Variants in DNAH14 observed in about 807,000 individuals in gnomAD.
DNAH14 encodes dynein axonemal heavy chain 14, also known as axonemal beta dynein heavy chain 14.
Under a neutral mutation model 520.9 loss-of-function variants are expected in DNAH14, and 478 were observed. The observed-to-expected ratio is 0.92, with a 90% CI of 0.85 to 0.99. The LOEUF (loss-of-function observed/expected upper bound fraction) is 0.99. Ranked by LOEUF, DNAH14 falls within the 50% of genes least tolerant of loss-of-function variation. DNAH14 has a pLI of 0.00. For synonymous variants in DNAH14, 1,581 were observed against 1,757.2 expected (o/e 0.90, Z 2.51); for missense variants, 4,831 against 5,234.5 (o/e 0.92, Z 2.38).
chr1:225,043,117 A>AAGAC lies in DNAH14; in HGVS notation c.1768+5_1768+8dup. On this transcript the variant is annotated splice_donor_region_variant and intron_variant, in intron 13 of 85. Coordinates refer to ENST00000682510, the MANE Select transcript of DNAH14 (RefSeq NM_001367479.1). ...CAATCTTGAAGATATTATTTCAGGT[A>AAGAC]AGACAATTGAGACTATAAAGAATGA... 1 of 1,547,782 alleles carries AAGAC rather than the reference A, an allele frequency of 6.5e-7. No individual in the cohort carries two copies. The highest frequency in any genetic ancestry group is 1.4e-5 in the African/African-American group (1 of 72,908).
In DNAH14 at chr1:225,063,737, A is replaced by G. The variant is rs751591811; in HGVS notation, c.2424+11942A>G. On this transcript the variant is annotated intron_variant, in intron 17 of 85. Transcript: ENST00000682510. ...AGAGACAAAAGTTATCTGAAAAATGATGAAATAGTTTCCAGATTTGATGAA... is the reference window on the plus strand; with the variant it reads ...AGAGACAAAAGTTATCTGAAAAATGGTGAAATAGTTTCCAGATTTGATGAA... Among the ~76,000 whole-genome samples the G allele has an allele frequency of 2.7e-4, 41 of 152,066 alleles. 1 individual carries two copies. The highest frequency in any genetic ancestry group is 1.5e-5 in the Non-Finnish European group (1 of 67,948).
chr1:225,195,421 A>G (rs758156464), intron 38 of DNAH14, among the ~76,000 whole-genome samples: 3 of 152,150 alleles, frequency 2.0e-5, no homozygotes, highest in Non-Finnish European at 2.9e-5. Flanking sequence ...GTCAAATACT[A>G]CATGTTTTTG....
chr1:225,389,761 G>T lies in DNAH14; in HGVS notation c.13218G>T (p.Lys4406Asn), dbSNP rs1028323924. 9.0e-6 allele frequency: 14 copies of T among 1,552,128 alleles called. No homozygotes were observed. The African/African-American group carries it at 1.6e-4, about 18-fold the overall frequency. The change falls in exon 83 of 86, where the codon AAG becomes AAT. Residue 4406 changes from lysine to asparagine, a missense_variant. By Grantham distance (94) the Lys-to-Asn change is moderately conservative (BLOSUM62 0). Coordinates refer to ENST00000682510, the MANE Select transcript of DNAH14 (RefSeq NM_001367479.1). ...ATATGAGATTTGTCACAGTTTGGAA[G>T]CAGTCTATTCCATCAACTAGCCAAA... ...RRYMRFVTVW[K>N]QSIPSTSQKC...
chr1:225,023,521 CT>C, intron 10 of DNAH14, 93 bp from the exon 11 acceptor site: 1 of 986,566 alleles, frequency 1.0e-6, no homozygotes, highest in Non-Finnish European at 1.4e-6. Flanking sequence ...ACATTCACAT[CT>C]AATTGAAGTT....
intron 43 of DNAH14, among the ~76,000 whole-genome samples, chr1:225,244,584 G>GGT (rs1445314447): frequency 6.6e-6 from 1 of 151,950 alleles, no homozygotes; most frequent in East Asian, 1.9e-4. Context: ...GTCTTGGGAG[G>GGT]GTGTGTGTGT....
At chr1:225,082,804 G>C (rs778699464) in intron 20 of DNAH14, 65 bp downstream of exon 20, 9 of 1,303,102 alleles carry the variant, frequency 6.9e-6, no homozygotes, top group Non-Finnish European at 8.5e-6. Context: ...TTAAATAGGC[G>C]AGTAAATATA....
chr1:225,069,423 G>A lies in DNAH14; in HGVS notation c.2425-9784G>A, dbSNP rs577794838. Among the ~76,000 whole-genome samples the A allele has an allele frequency of 3.9e-5, 6 of 152,218 alleles. No individual in the cohort carries two copies. The South Asian group carries it at 1.2e-3, about 32-fold the overall frequency. On this transcript the variant is annotated intron_variant, in intron 17 of 85. Coordinates refer to ENST00000682510, the MANE Select transcript of DNAH14 (RefSeq NM_001367479.1). ...GAGAGTTTTTAACATGAAGGATGTT[G>A]AATCGCATTAAAGGCATTTTCTGCA...
At chr1:224,968,738 C>A in intron 6 of DNAH14, 21 bp from the exon 7 acceptor site, 4 of 1,299,004 alleles carry the variant, frequency 3.1e-6, no homozygotes, top group South Asian at 1.6e-5. Flanking sequence ...TAAAATAATG[C>A]TTTTGTGCTT....
rs372319641 is a variant in DNAH14, at chr1:225,345,062, C to T, written c.10679-900C>T. Among the ~76,000 whole-genome samples the T allele has an allele frequency of 3.3e-4, 50 of 152,126 alleles. 2 individuals carry two copies. The South Asian group carries it at 0.01, about 32-fold the overall frequency. On this transcript the variant is annotated intron_variant, in intron 69 of 85. Coordinates refer to ENST00000682510, the MANE Select transcript of DNAH14 (RefSeq NM_001367479.1). ...CTTGTTTTCTCTTTGGTTGATTGCCCAAACTCGGTGGGAAATGGTGTGGTA... is the reference window on the plus strand; with the variant it reads ...CTTGTTTTCTCTTTGGTTGATTGCCTAAACTCGGTGGGAAATGGTGTGGTA...
At chr1:224,931,536 A>C (rs575694589) in intron 1 of DNAH14, among the ~76,000 whole-genome samples, 15 of 152,064 alleles carry the variant, frequency 9.9e-5, no homozygotes, top group Non-Finnish European at 1.5e-4. Flanking sequence ...TATCTTACTG[A>C]GTCTTTGTAC....
chr1:225,337,415 G>A lies in DNAH14; in HGVS notation c.10230G>A (p.Leu3410=). 2 of 1,551,754 alleles carry A rather than the reference G, an allele frequency of 1.3e-6. No homozygotes were observed. The highest frequency in any genetic ancestry group is 1.7e-6 in the Non-Finnish European group (2 of 1,146,986). The change falls in exon 67 of 86, where the codon CTG becomes CTA. Residue 3410 remains leucine, a synonymous_variant. Transcript: ENST00000682510. The stretch of plus-strand genomic sequence containing the variant: ...TCCGTCAGATGGAAGGATCCAGGCT[G>A]CAGAAGCTCTCCATTGAAGACAGCA... ...KWIRQMEGSR[L]QKLSIEDSNY...
intron 66 of DNAH14, among the ~76,000 whole-genome samples, chr1:225,334,808 G>A (rs1221278001): frequency 1.3e-5 from 2 of 151,730 alleles, no homozygotes; most frequent in East Asian, 3.9e-4. Flanking sequence ...GGTCAAGGCT[G>A]CAGTGAGGTG....
At position 225,080,615 on chromosome 1, in the gene DNAH14, A is replaced by T. The variant is rs1462422309; in HGVS notation, c.3003A>T (p.Lys1001Asn). 1.3e-6 allele frequency: 2 copies of T among 1,552,054 alleles called. No homozygotes were observed. Among genetic ancestry groups the T allele is most frequent in the Admixed American group, 2.0e-5 (1 of 50,990 alleles). The change falls in exon 19 of 86, where the codon AAA becomes AAT. Residue 1001 changes from lysine to asparagine, a missense_variant. Transcript: ENST00000682510. ...DIEGDLTLRK[K>N]LWEAQEEWKR... ...AAGGTGACTTGACTTTGAGGAAAAA[A>T]CTATGGGAAGCACAAGAGGAGTGGA...
intron 41 of DNAH14, among the ~76,000 whole-genome samples, chr1:225,226,851 G>A (rs2090585733): frequency 6.6e-6 from 1 of 152,098 alleles, no homozygotes; most frequent in Admixed American, 6.5e-5. Context: ...GAGAGGGTTA[G>A]CAGGAAAACA....
At chr1:224,970,986 G>T (rs1277999823) in intron 7 of DNAH14, among the ~76,000 whole-genome samples, 1 of 152,158 alleles carries the variant, frequency 6.6e-6, no homozygotes, top group Non-Finnish European at 1.5e-5. Flanking sequence ...AGAGATAATA[G>T]AAAACATGCA....
intron 73 of DNAH14, among the ~76,000 whole-genome samples, chr1:225,355,710 G>A (rs1011164163): frequency 5.3e-5 from 8 of 152,004 alleles, no homozygotes; most frequent in African/African-American, 1.7e-4. Flanking sequence ...TGTTTTCTGG[G>A]TTTTATTGTG....
At chr1:225,311,809 T>G (rs1259539304) in intron 60 of DNAH14, among the ~76,000 whole-genome samples, 1 of 152,222 alleles carries the variant, frequency 6.6e-6, no homozygotes, top group Non-Finnish European at 1.5e-5. Flanking sequence ...TCTATATATC[T>G]GTTTTAGTAC....
rs1404849354 is a variant in DNAH14 at position 225,231,131 on chromosome 1, A to G, written c.6498A>G (p.Thr2166=). 6.5e-7 allele frequency: 1 copy of G among 1,546,756 alleles called. No individual in the cohort carries two copies. Among genetic ancestry groups the G allele is most frequent in the Non-Finnish European group, 8.7e-7 (1 of 1,144,730 alleles). ...CAAATTCCCAAAGAGAGTCTGTCACATTCAAGGATATAGAAAAGAGGTCAG... is the reference window on the plus strand; with the variant it reads ...CAAATTCCCAAAGAGAGTCTGTCACGTTCAAGGATATAGAAAAGAGGTCAG... ...KEANSQRESV[T]FKDIEKRDEN... Residue 2166 remains threonine (T), a synonymous_variant, in exon 42 of 86, where the codon ACA becomes ACG. Transcript: ENST00000682510.
intron 76 of DNAH14, 42 bp downstream of exon 76, chr1:225,364,936 C>A: frequency 1.4e-6 from 2 of 1,384,968 alleles, no homozygotes; most frequent in Non-Finnish European, 9.8e-7. Context: ...ACTGAGGAGC[C>A]CTGTTTGAAT....
Sources: gnomAD v4.1 joint callset for allele counts (sites outside exome capture counted in the v4.1 genomes callset) on GRCh38, gnomAD v4.1.1 for gene constraint, MANE v1.5 for transcripts, NCBI Gene and HGNC (gene_info 2026-07-23, HGNC 2026-07-21) for gene names.